Variants in ITIH5 observed in about 807,000 individuals in gnomAD.
ITIH5 encodes the protein inter-alpha-trypsin inhibitor heavy chain H5.
Under a neutral mutation model 77.5 loss-of-function variants are expected in ITIH5, and 65 were observed. That is an observed-to-expected ratio of 0.84 (90% CI 0.69 to 1.03). The LOEUF (loss-of-function observed/expected upper bound fraction) is 1.03. Ranked by LOEUF, ITIH5 falls within the 50% of genes least tolerant of loss-of-function variation. The probability of loss-of-function intolerance (pLI) is 0.00; values close to 1 mark genes in which losing one functional copy is unlikely to be tolerated. For missense variants in ITIH5, 1,208 were observed against 1,213.1 expected, an observed-to-expected ratio of 1.00 and a Z score of 0.06; for synonymous variants, 525 against 494.3, an observed-to-expected ratio of 1.06 and a Z score of -0.82.
rs547558907 is a variant in ITIH5 at position 7,615,985 on chromosome 10, C to T, written c.936G>A (p.Arg312=). The T allele has an allele frequency of 3.9e-5, 61 of 1,582,318 alleles. No individual in the cohort carries two copies. In the South Asian group the frequency reaches 6.6e-4, roughly 17 times the overall value. The change falls in exon 7 of 14, where the codon CGG becomes CGA. Residue 312 remains arginine, a synonymous_variant. Transcript: ENST00000397146. ...SSASMVGTKL[R]QTKDALFTIL... ...TGGGCGGTTGGCACTCACTCACCTGCCGGAGTTTGGTTCCCACCATAGAAG... is the reference window on the plus strand; with the variant it reads ...TGGGCGGTTGGCACTCACTCACCTGTCGGAGTTTGGTTCCCACCATAGAAG...
At chr10:7,638,182 G>A (rs963114992) in intron 4 of ITIH5, among the ~76,000 whole-genome samples, 2 of 152,176 alleles carry the variant, frequency 1.3e-5, no homozygotes, top group African/African-American at 2.4e-5. Context: ...CCAACTGTGT[G>A]GCAGAATCAG....
At chr10:7,570,802 T>C (rs913917526) in intron 11 of ITIH5, among the ~76,000 whole-genome samples, 1 of 151,872 alleles carries the variant, frequency 6.6e-6, no homozygotes, top group African/African-American at 2.4e-5. Context: ...TTTTATTTTT[T>C]GTAGGGACAG....
rs1022948027 is a variant in ITIH5, at chr10:7,588,925, T to C, written c.940-2856A>G. 5.9e-5 allele frequency among the ~76,000 whole-genome samples: 9 copies of C among 152,346 alleles called. No homozygotes were observed. In the Middle Eastern group the frequency reaches 0.014, roughly 230 times the overall value. ...CTAAGCATCATGCTCCATGGGAGAC[T>C]GGATTAAAATGCAGGGAGTCTGACT... On this transcript the variant is annotated intron_variant, in intron 7 of 13. Transcript: ENST00000397146.
At chr10:7,653,213 A>C (rs1834128701) in intron 2 of ITIH5, among the ~76,000 whole-genome samples, 1 of 152,156 alleles carries the variant, frequency 6.6e-6, no homozygotes, top group South Asian at 2.1e-4. Flanking sequence ...TATCAAAAAA[A>C]AGGTTGTTTT....
intron 5 of ITIH5, among the ~76,000 whole-genome samples, chr10:7,634,088 CAAA>C (rs752092484): frequency 0.014 from 834 of 59,970 alleles, 2 homozygotes; most frequent in Middle Eastern, 0.035. Context: ...GACTCCGTCT[CAAA>C]AAAAAAAAAA....
intron 12 of ITIH5, among the ~76,000 whole-genome samples, chr10:7,567,224 T>A (rs1029371010): frequency 1.3e-5 from 2 of 152,064 alleles, no homozygotes; most frequent in African/African-American, 4.8e-5. Context: ...TTCGTCTGGT[T>A]TCCTTCCAGT....
intron 5 of ITIH5, among the ~76,000 whole-genome samples, chr10:7,623,597 A>T (rs1191955148): frequency 6.6e-6 from 1 of 152,044 alleles, no homozygotes; most frequent in Non-Finnish European, 1.5e-5. Flanking sequence ...AGGTCAGGAG[A>T]TCGAGACCAT....
intron 10 of ITIH5, among the ~76,000 whole-genome samples, chr10:7,573,997 G>C (rs990107118): frequency 1.3e-5 from 2 of 152,100 alleles, no homozygotes; most frequent in Admixed American, 6.6e-5. Context: ...GGGTAAGGTG[G>C]TAAATTTTAT....
intron 7 of ITIH5, chr10:7,609,280 G>T (rs1236093729): frequency 3.0e-5 from 11 of 367,686 alleles, no homozygotes; most frequent in Non-Finnish European, 1.1e-5. Flanking sequence ...TCAGAAAAAT[G>T]CAGGATACAT....
intron 7 of ITIH5, among the ~76,000 whole-genome samples, chr10:7,590,990 G>A (rs12777401): frequency 0.28 from 42,738 of 152,176 alleles, 6,349 homozygotes; most frequent in East Asian, 0.49. Context: ...TCCGCCTCCC[G>A]GGTTCAAGCG....
chr10:7,662,676 C>T (rs753333042), intron 1 of ITIH5, among the ~76,000 whole-genome samples: 2 of 152,170 alleles, frequency 1.3e-5, no homozygotes, highest in Admixed American at 6.5e-5. Context: ...CAGGACTTCC[C>T]CACCCTTCCT....
At chr10:7,607,281 G>A (rs541501721) in intron 7 of ITIH5, among the ~76,000 whole-genome samples, 10 of 152,278 alleles carry the variant, frequency 6.6e-5, no homozygotes, top group Non-Finnish European at 1.3e-4. Flanking sequence ...TTTGCATATG[G>A]CCTGTGGCTG....
chr10:7,564,109 C>T (rs545810635), intron 13 of ITIH5, among the ~76,000 whole-genome samples: 10 of 152,242 alleles, frequency 6.6e-5, no homozygotes, highest in Non-Finnish European at 1.0e-4. Flanking sequence ...TCAGGCTGGG[C>T]GCTGGGCAGG....
rs148664100 is a variant in ITIH5 at position 7,642,923 on chromosome 10, G to T, written c.136-833C>A. Among the ~76,000 whole-genome samples the T allele has an allele frequency of 2.8e-4, 43 of 152,312 alleles. No individual in the cohort carries two copies. In the East Asian group the frequency reaches 7.7e-3, roughly 27 times the overall value. Reference sequence around the variant, plus strand: ...CAAGCAATTAACAAGCATGTTATGGGCTGTGTCCTCCTAGAATACACATGT... The same window carrying T: ...CAAGCAATTAACAAGCATGTTATGGTCTGTGTCCTCCTAGAATACACATGT... On this transcript the variant is annotated intron_variant, in intron 2 of 13. Transcript: ENST00000397146.
intron 5 of ITIH5, chr10:7,618,208 A>T (rs963929988): frequency 6.6e-6 from 1 of 151,992 alleles, no homozygotes; most frequent in Admixed American, 6.6e-5. Context: ...GGCTCAAGCC[A>T]TCCTCCTGCC....
At chr10:7,581,707 C>CTTTTCT (rs1832556090) in intron 8 of ITIH5, among the ~76,000 whole-genome samples, 1 of 122,726 alleles carries the variant, frequency 8.1e-6, no homozygotes, top group African/African-American at 2.9e-5. Context: ...CCCATGTTTT[C>CTTTTCT]TTTTCTTTTC....
At chr10:7,600,055 T>C (rs551274910) in intron 7 of ITIH5, among the ~76,000 whole-genome samples, 1 of 152,120 alleles carries the variant, frequency 6.6e-6, no homozygotes, top group Non-Finnish European at 1.5e-5. Context: ...AGCTACAGAG[T>C]CCAGAGCAGA....
intron 7 of ITIH5, among the ~76,000 whole-genome samples, chr10:7,605,945 C>A (rs767923980): frequency 3.9e-5 from 6 of 152,166 alleles, no homozygotes; most frequent in Non-Finnish European, 7.3e-5. Context: ...GATTTCCTGG[C>A]GCCACACTTT....
intron 6 of ITIH5, 127 bp from the exon 7 acceptor site, chr10:7,616,225 C>T (rs911878072): frequency 4.8e-6 from 3 of 628,128 alleles, no homozygotes; most frequent in Non-Finnish European, 8.7e-6. Flanking sequence ...AGATTCCACA[C>T]CCGGAGTAAA....
Sources: gnomAD v4.1 joint callset for allele counts (sites outside exome capture counted in the v4.1 genomes callset) on GRCh38, gnomAD v4.1.1 for gene constraint, MANE v1.5 for transcripts, NCBI Gene and HGNC (gene_info 2026-07-23, HGNC 2026-07-21) for gene names.